Variants in SH3BGRL2 observed in about 807,000 individuals in gnomAD.
SH3BGRL2 encodes the protein SH3 domain binding glutamate rich protein like 2.
In SH3BGRL2, 21 loss-of-function variants were observed where a neutral mutation model predicts 14.8. The observed-to-expected ratio is 1.42, with a 90% CI of 1.01 to 2.05. SH3BGRL2 has a LOEUF of 2.05. Ranked by LOEUF, SH3BGRL2 falls within the 30% of genes most tolerant of loss-of-function variation. The pLI is 0.00. For missense variants in SH3BGRL2, 147 were observed against 130.8 expected (o/e 1.12, Z -0.61); for synonymous variants, 50 against 47.8 (o/e 1.05, Z -0.19).
At chr6:79,682,002 CACACACACACACT>C (rs1769997511) in intron 2 of SH3BGRL2, among the ~76,000 whole-genome samples, 1 of 147,410 alleles carries the variant, frequency 6.8e-6, no homozygotes, top group Admixed American at 6.9e-5. Flanking sequence ...TATTATTTTA[CACACACACACACT>C]ACACACACAC....
chr6:79,640,137 G>C (rs1473192692), intron 1 of SH3BGRL2, among the ~76,000 whole-genome samples: 1 of 152,124 alleles, frequency 6.6e-6, no homozygotes, highest in Non-Finnish European at 1.5e-5. Context: ...GCTTGGAGGA[G>C]TAGGGCAGGA....
intron 1 of SH3BGRL2, among the ~76,000 whole-genome samples, chr6:79,660,759 G>A (rs758836182): frequency 1.3e-5 from 2 of 151,962 alleles, no homozygotes; most frequent in African/African-American, 2.4e-5. Flanking sequence ...GCTGTGAATC[G>A]GTCTGGTCCT....
the SH3BGRL2 span, among the ~76,000 whole-genome samples, chr6:79,625,992 T>C: frequency 5.0e-4 from 76 of 152,302 alleles, no homozygotes; most frequent in Non-Finnish European, 9.4e-4. Context: ...AGGAAAGGGA[T>C]TGTGACAAGC....
At chr6:79,557,480 A>G in the SH3BGRL2 span, among the ~76,000 whole-genome samples, 1 of 152,106 alleles carries the variant, frequency 6.6e-6, no homozygotes, top group Non-Finnish European at 1.5e-5. Context: ...CTAATTGAGC[A>G]GCAAAAAGCA....
chr6:79,689,189 A>C (rs892659184), intron 2 of SH3BGRL2, among the ~76,000 whole-genome samples: 4 of 150,976 alleles, frequency 2.6e-5, no homozygotes, highest in African/African-American at 7.3e-5. Flanking sequence ...CTAATTACCA[A>C]ATTTTATATT....
chr6:79,564,381 T>C, the SH3BGRL2 span, among the ~76,000 whole-genome samples: 1 of 145,980 alleles, frequency 6.9e-6, no homozygotes, highest in African/African-American at 2.5e-5. Context: ...ATTCTATTTT[T>C]AGATTTTTAA....
intron 2 of SH3BGRL2, among the ~76,000 whole-genome samples, chr6:79,685,675 T>C (rs955672149): frequency 6.6e-6 from 1 of 151,870 alleles, no homozygotes; most frequent in African/African-American, 2.4e-5. Flanking sequence ...TATAAATGTA[T>C]ATTATATGTA....
At chr6:79,647,514 A>G (rs765617021) in intron 1 of SH3BGRL2, among the ~76,000 whole-genome samples, 4 of 152,134 alleles carry the variant, frequency 2.6e-5, no homozygotes, top group Non-Finnish European at 5.9e-5. Flanking sequence ...AGGATGCAGA[A>G]TGAGTATATG....
chr6:79,570,120 C>A, the SH3BGRL2 span, among the ~76,000 whole-genome samples: 1 of 152,108 alleles, frequency 6.6e-6, no homozygotes, highest in African/African-American at 2.4e-5. Flanking sequence ...CAACTCTCCC[C>A]ACACTAAATA....
chr6:79,598,335 C>T, the SH3BGRL2 span, among the ~76,000 whole-genome samples: 50 of 152,220 alleles, frequency 3.3e-4, no homozygotes, highest in African/African-American at 1.1e-3. Flanking sequence ...AAAGTAGAAA[C>T]AATCTATGTG....
intron 2 of SH3BGRL2, among the ~76,000 whole-genome samples, chr6:79,678,348 T>C (rs1769925605): frequency 6.6e-6 from 1 of 152,172 alleles, no homozygotes; most frequent in African/African-American, 2.4e-5. Flanking sequence ...CTATATAAAA[T>C]ATCTACTTCA....
At chr6:79,637,937 C>T (rs1022624561) in intron 1 of SH3BGRL2, among the ~76,000 whole-genome samples, 27 of 152,042 alleles carry the variant, frequency 1.8e-4, no homozygotes, top group African/African-American at 6.3e-4. Context: ...TTCTTTTACC[C>T]ATTATAAGTA....
chr6:79,579,143 A>G, the SH3BGRL2 span, among the ~76,000 whole-genome samples: 1 of 152,214 alleles, frequency 6.6e-6, no homozygotes, highest in Non-Finnish European at 1.5e-5. Flanking sequence ...GAAATATGGG[A>G]CTATGTGAAA....
intron 2 of SH3BGRL2, among the ~76,000 whole-genome samples, chr6:79,688,632 A>G (rs16890942): frequency 0.019 from 2,900 of 152,264 alleles, 80 homozygotes; most frequent in African/African-American, 0.064. Flanking sequence ...TTAAAAATAC[A>G]GTGCTTTTAA....
rs865896431 is a variant in SH3BGRL2 at position 79,699,880 on chromosome 6, C to T, written c.*371C>T. ...ATGCCGGAATTGCGTAAACCCACTT[C>T]TCTTTAAGCTGCCTGGATTGCACCT... On this transcript the variant is annotated 3_prime_UTR_variant, in exon 4 of 4. Coordinates refer to ENST00000369838, the MANE Select transcript of SH3BGRL2 (RefSeq NM_031469.4). 1 of 242,948 alleles carries T rather than the reference C, an allele frequency of 4.1e-6. No homozygotes were observed. Among genetic ancestry groups the T allele is most frequent in the Admixed American group, 5.5e-5 (1 of 18,090 alleles). The allele number at this position is 242,948 out of a possible 1,614,324, so 15.0% of individuals were successfully genotyped here. A position where few individuals can be genotyped will look rare whatever the true frequency, so the allele number is the denominator to read the frequency against.
the SH3BGRL2 span, among the ~76,000 whole-genome samples, chr6:79,576,281 C>T: frequency 6.6e-6 from 1 of 152,138 alleles, no homozygotes; most frequent in Non-Finnish European, 1.5e-5. Context: ...TTGAATCTCA[C>T]TGTGTTTCTC....
the SH3BGRL2 span, among the ~76,000 whole-genome samples, chr6:79,625,444 G>C: frequency 6.6e-6 from 1 of 151,992 alleles, no homozygotes; most frequent in African/African-American, 2.4e-5. Context: ...TGCATTATTT[G>C]ACTTTATTGC....
At chr6:79,612,067 G>C in the SH3BGRL2 span, among the ~76,000 whole-genome samples, 1 of 152,142 alleles carries the variant, frequency 6.6e-6, no homozygotes, top group African/African-American at 2.4e-5. Context: ...AGAGGGCAAG[G>C]CTGGATAATC....
the SH3BGRL2 span, among the ~76,000 whole-genome samples, chr6:79,576,425 T>C: frequency 1.6e-4 from 25 of 152,326 alleles, no homozygotes; most frequent in East Asian, 4.6e-3. Context: ...TATGGTAATC[T>C]TAAATCAGCC....
Sources: gnomAD v4.1 joint callset for allele counts (sites outside exome capture counted in the v4.1 genomes callset) on GRCh38, gnomAD v4.1.1 for gene constraint, MANE v1.5 for transcripts, NCBI Gene and HGNC (gene_info 2026-07-23, HGNC 2026-07-21) for gene names.